B3GALT1: variants seen among roughly 807,000 people sequenced by gnomAD.
B3GALT1 encodes UDP-Gal:betaGlcNAc beta 1,3-galactosyltransferase, polypeptide 1.
A neutral mutation model predicts 23.2 loss-of-function variants in B3GALT1; 10 were observed. The observed-to-expected ratio is 0.43, with a 90% CI of 0.27 to 0.73. B3GALT1 has a LOEUF of 0.73. Among genes scored for constraint, B3GALT1 ranks in the 30% least tolerant of loss-of-function variants. The pLI is 0.21. For synonymous variants in B3GALT1, 156 were observed against 141.5 expected (o/e 1.10, Z -0.73); for missense variants, 299 against 405.4 (o/e 0.74, Z 2.25).
intron 1 of B3GALT1, among the ~76,000 whole-genome samples, chr2:167,382,533 G>A (rs1433784671): frequency 1.3e-5 from 2 of 151,862 alleles, no homozygotes; most frequent in Non-Finnish European, 2.9e-5. Flanking sequence ...ACCCCCTTAT[G>A]AGGATCTTTC....
chr2:167,565,596 G>T (rs561972647), intron 2 of B3GALT1, among the ~76,000 whole-genome samples: 8 of 152,054 alleles, frequency 5.3e-5, no homozygotes, highest in Non-Finnish European at 8.8e-5. Flanking sequence ...GACAATTTTC[G>T]CAACCTACTC....
At chr2:167,783,939 A>G (rs1488708513) in intron 3 of B3GALT1, among the ~76,000 whole-genome samples, 1 of 152,216 alleles carries the variant, frequency 6.6e-6, no homozygotes, top group Non-Finnish European at 1.5e-5. Context: ...AATAAGCATG[A>G]CCATCTGCAG....
chr2:167,377,810 G>A (rs762133504), intron 1 of B3GALT1, among the ~76,000 whole-genome samples: 11 of 152,064 alleles, frequency 7.2e-5, no homozygotes, highest in Non-Finnish European at 1.6e-4. Context: ...GAGACATTTA[G>A]GTCATTTACA....
intron 2 of B3GALT1, among the ~76,000 whole-genome samples, chr2:167,646,001 G>A (rs1307856363): frequency 6.6e-6 from 1 of 152,148 alleles, no homozygotes; most frequent in Non-Finnish European, 1.5e-5. Context: ...TGAGTAAATT[G>A]TGTCAGCCTG....
At chr2:167,588,448 A>C (rs1574154648) in intron 2 of B3GALT1, among the ~76,000 whole-genome samples, 1 of 152,214 alleles carries the variant, frequency 6.6e-6, no homozygotes, top group African/African-American at 2.4e-5. Flanking sequence ...TAGACATTTT[A>C]TACATATTAT....
At chr2:167,447,886 A>T (rs563203894) in intron 1 of B3GALT1, among the ~76,000 whole-genome samples, 2 of 152,180 alleles carry the variant, frequency 1.3e-5, no homozygotes, top group African/African-American at 4.8e-5. Context: ...CCCCAGTGAG[A>T]TGAACCTGGT....
At chr2:167,833,990 A>C (rs940157038) in intron 4 of B3GALT1, among the ~76,000 whole-genome samples, 2 of 152,180 alleles carry the variant, frequency 1.3e-5, no homozygotes, top group African/African-American at 4.8e-5. Flanking sequence ...AAACAAGCTC[A>C]ATGTTGTTGG....
rs778913264 is a variant in B3GALT1 at position 167,870,277 on chromosome 2, A to T, written c.*257A>T. 2.8e-5 allele frequency: 10 copies of T among 353,682 alleles called. No individual in the cohort carries two copies. Among genetic ancestry groups the T allele is most frequent in the Non-Finnish European group, 4.3e-5 (8 of 187,320 alleles). The allele number at this position is 353,682 out of a possible 1,614,324, so 21.9% of individuals were successfully genotyped here. On this transcript the variant is annotated 3_prime_UTR_variant, in exon 5 of 5. Transcript: ENST00000392690. ...CTATTTATCTCAAAAAGTGACTTCC[A>T]AACAACTCTTAGGATTGACGTACCG...
At chr2:167,638,178 A>T (rs1389030301) in intron 2 of B3GALT1, among the ~76,000 whole-genome samples, 1 of 152,074 alleles carries the variant, frequency 6.6e-6, no homozygotes, top group Non-Finnish European at 1.5e-5. Flanking sequence ...TAGTTAATCA[A>T]TTTGAAAATT....
At chr2:167,701,571 A>T in intron 3 of B3GALT1, among the ~76,000 whole-genome samples, 1 of 152,178 alleles carries the variant, frequency 6.6e-6, no homozygotes, top group Middle Eastern at 3.4e-3. Flanking sequence ...CTTGCACCTG[A>T]TTTTTTTCCC....
chr2:167,728,614 T>C (rs1337891434), intron 3 of B3GALT1, among the ~76,000 whole-genome samples: 1 of 152,200 alleles, frequency 6.6e-6, no homozygotes, highest in Non-Finnish European at 1.5e-5. Flanking sequence ...ACTGTTGACT[T>C]GTTTGGGGGT....
chr2:167,335,152 G>T (rs1228892234), intron 1 of B3GALT1, among the ~76,000 whole-genome samples: 1 of 151,280 alleles, frequency 6.6e-6, no homozygotes, highest in Non-Finnish European at 1.5e-5. Context: ...TTCTGTCTTA[G>T]TTCTTGATCT....
In B3GALT1 at chr2:167,436,970, A is replaced by T. The variant is rs1302102999; in HGVS notation, c.-510-53207A>T. Among the ~76,000 whole-genome samples, 4 of 152,136 alleles carry T rather than the reference A, an allele frequency of 2.6e-5. No homozygotes were observed. In the East Asian group the frequency reaches 7.7e-4, roughly 29 times the overall value. On this transcript the variant is annotated intron_variant, in intron 1 of 4. Coordinates refer to ENST00000392690, the MANE Select transcript of B3GALT1 (RefSeq NM_020981.4). ...ATATGTTTCCCAAGGTGAAAAACTGAGAGGCGGGGAGCAATGTTAAAGTTC... is the reference window on the plus strand; with the variant it reads ...ATATGTTTCCCAAGGTGAAAAACTGTGAGGCGGGGAGCAATGTTAAAGTTC...
At chr2:167,831,935 A>T (rs988971055) in intron 4 of B3GALT1, among the ~76,000 whole-genome samples, 1 of 152,254 alleles carries the variant, frequency 6.6e-6, no homozygotes, top group East Asian at 1.9e-4. Flanking sequence ...TAGTTCGCCA[A>T]ATGGTTACAA....
chr2:167,552,678 T>A (rs576101147), intron 2 of B3GALT1, among the ~76,000 whole-genome samples: 12 of 152,310 alleles, frequency 7.9e-5, no homozygotes, highest in African/African-American at 2.9e-4. Flanking sequence ...CAAACGGAAG[T>A]TGCCTTTCAG....
At chr2:167,466,070 G>C (rs974323268) in intron 1 of B3GALT1, among the ~76,000 whole-genome samples, 3 of 152,090 alleles carry the variant, frequency 2.0e-5, no homozygotes, top group Non-Finnish European at 4.4e-5. Flanking sequence ...ACTTCAGAAG[G>C]CTCACTCTCC....
At chr2:167,521,982 GTGTATATATA>G (rs1183788124) in intron 2 of B3GALT1, among the ~76,000 whole-genome samples, 2 of 135,246 alleles carry the variant, frequency 1.5e-5, no homozygotes, top group African/African-American at 5.6e-5. Context: ...GTGTGTGTGT[GTGTATATATA>G]TATATATATA....
Position 167,868,799 on chromosome 2 carries a change from T to C in B3GALT1, c.-229-12T>C, listed in dbSNP as rs1559009348. 2 of 453,430 alleles carry C rather than the reference T, an allele frequency of 4.4e-6. No individual in the cohort carries two copies. The highest frequency in any genetic ancestry group is 5.2e-5 in the South Asian group (1 of 19,276). 28.1% of individuals were successfully genotyped at this position (453,430 alleles called of 1,614,324 possible). On this transcript the variant is annotated splice_polypyrimidine_tract_variant and intron_variant, in intron 4 of 4. Transcript: ENST00000392690. ...AAATCTAAGTGACAACTGTACTTTA[T>C]TGATTTTGCAGAGTTAAGAGGAAGA...
In B3GALT1 at chr2:167,857,111, C is replaced by T. The variant is rs1690013834; in HGVS notation, c.-229-11700C>T. 5.3e-5 allele frequency among the ~76,000 whole-genome samples: 8 copies of T among 152,010 alleles called. No homozygotes were observed. In the South Asian group the frequency reaches 1.7e-3, roughly 32 times the overall value. On this transcript the variant is annotated intron_variant, in intron 4 of 4. Coordinates refer to ENST00000392690, the MANE Select transcript of B3GALT1 (RefSeq NM_020981.4). Reference sequence around the variant, plus strand: ...CACCAGTTTTCTGTTGACTGACAACCCTATGCTTTGTCCAGGAGACCAATT... The same window carrying T: ...CACCAGTTTTCTGTTGACTGACAACTCTATGCTTTGTCCAGGAGACCAATT...
Sources: allele counts gnomAD v4.1 joint callset (sites outside exome capture counted in the v4.1 genomes callset), GRCh38; gene constraint gnomAD v4.1.1; transcripts MANE v1.5; gene names NCBI Gene and HGNC (gene_info 2026-07-23, HGNC 2026-07-21).